Variants in DDC observed in about 807,000 individuals in gnomAD.
DDC encodes the protein dopa decarboxylase.
A neutral mutation model predicts 60.0 loss-of-function variants in DDC; 43 were observed. The ratio of observed to expected loss-of-function variants is 0.72; its 90% CI spans 0.56 to 0.92. DDC has a LOEUF of 0.92. DDC is among the 40% of genes least tolerant of loss of function. The probability of loss-of-function intolerance (pLI) is 0.00; values close to 1 mark genes in which losing one functional copy is unlikely to be tolerated. For missense variants in DDC, 573 were observed against 620.2 expected (o/e 0.92, Z 0.81); for synonymous variants, 232 against 234.6 (o/e 0.99, Z 0.10).
chr7:50,469,417 C>T (rs993386968), intron 12 of DDC, among the ~76,000 whole-genome samples: 9 of 152,226 alleles, frequency 5.9e-5, no homozygotes, highest in Admixed American at 1.3e-4. Context: ...TGTCTGAGAA[C>T]CACTGGACTA....
rs2042615438 is a variant in DDC at position 50,475,229 on chromosome 7, A to AGGATGC, written c.1041+1394_1041+1395insGCATCC. On this transcript the variant is annotated intron_variant, in intron 11 of 14. Coordinates refer to ENST00000444124, the MANE Select transcript of DDC (RefSeq NM_001082971.2). ...CACAGGCCACAGAGGCGCGAGGATG[A>AGGATGC]AAGGTCAGGGTGAGCTGGTCCTCAG... 2.0e-5 allele frequency among the ~76,000 whole-genome samples: 3 copies of AGGATGC among 152,180 alleles called. No homozygotes were observed. The South Asian group carries it at 6.2e-4, about 32-fold the overall frequency.
intron 11 of DDC, among the ~76,000 whole-genome samples, chr7:50,473,289 C>A (rs962962630): frequency 2.0e-5 from 3 of 152,082 alleles, no homozygotes; most frequent in African/African-American, 7.2e-5. Context: ...ACACCAGGGC[C>A]CTGAGGCTGC....
chr7:50,523,941 C>T (rs759500947), intron 6 of DDC, among the ~76,000 whole-genome samples: 2 of 152,152 alleles, frequency 1.3e-5, no homozygotes, highest in South Asian at 4.1e-4. Flanking sequence ...TAGATAAATG[C>T]ATAAATGAAT....
chr7:50,492,590 A>C, intron 9 of DDC: 3 of 778,790 alleles, frequency 3.9e-6, no homozygotes, highest in Non-Finnish European at 5.0e-6. Flanking sequence ...GAGGATGGGA[A>C]CTAACCCCAT....
At chr7:50,486,608 C>T (rs1204852387) in intron 9 of DDC, among the ~76,000 whole-genome samples, 1 of 152,166 alleles carries the variant, frequency 6.6e-6, no homozygotes, top group African/African-American at 2.4e-5. Flanking sequence ...GTCCCCCTTC[C>T]TCCTCATTCA....
At chr7:50,462,479 C>A (rs11575549) in intron 14 of DDC, among the ~76,000 whole-genome samples, 2 of 152,070 alleles carry the variant, frequency 1.3e-5, no homozygotes, top group Non-Finnish European at 2.9e-5. Flanking sequence ...GCAAGAAGCC[C>A]GGTAGTCGAA....
At chr7:50,492,611 T>G in intron 9 of DDC, 1 of 966,592 alleles carries the variant, frequency 1.0e-6, no homozygotes, top group Non-Finnish European at 1.3e-6. Context: ...CACCCTTCTC[T>G]TGTGGCAGAC....
At chr7:50,538,012 G>T in intron 3 of DDC, 33 bp from the exon 4 acceptor site, 1 of 1,614,054 alleles carries the variant, frequency 6.2e-7, no homozygotes, top group Non-Finnish European at 8.5e-7. Context: ...ATTAACCGAG[G>T]GCCAGGCATT....
chr7:50,526,997 A>C (rs1367925191), intron 6 of DDC, among the ~76,000 whole-genome samples: 2 of 129,110 alleles, frequency 1.5e-5, no homozygotes, highest in African/African-American at 5.1e-5. Flanking sequence ...GTGGAAATAG[A>C]CATATCTACA....
chr7:50,463,409 G>A lies in DDC; in HGVS notation c.1265C>T (p.Ala422Val), dbSNP rs984449557. The A allele has an allele frequency of 1.9e-6, 3 of 1,614,148 alleles. No individual in the cohort carries two copies. Among genetic ancestry groups the A allele is most frequent in the East Asian group, 2.2e-5 (1 of 44,878 alleles). ...RLKGSNKVNE[A>V]LLQRINSAKK... ...GGCACTGTTTATTCTTTGCAGAAGA[G>A]CTTCATTCACTTTGTTGGAACCCTG... Residue 422 changes from alanine (A) to valine (V), a missense_variant, in exon 14 of 15, where the codon GCT becomes GTT. Coordinates refer to ENST00000444124, the MANE Select transcript of DDC (RefSeq NM_001082971.2).
chr7:50,459,091 C>A (rs1018676253), intron 14 of DDC, among the ~76,000 whole-genome samples: 1 of 152,232 alleles, frequency 6.6e-6, no homozygotes, highest in African/African-American at 2.4e-5. Context: ...CGAGTGCCTG[C>A]GATTGCAGGC....
intron 9 of DDC, 135 bp from the exon 10 acceptor site, chr7:50,479,998 C>T: frequency 1.4e-6 from 1 of 713,958 alleles, no homozygotes; most frequent in Non-Finnish European, 2.5e-6. Context: ...CTGCACGGCC[C>T]TGTCTCTGCT....
chr7:50,492,338 C>T (rs558204792), intron 9 of DDC, among the ~76,000 whole-genome samples: 1 of 152,218 alleles, frequency 6.6e-6, no homozygotes, highest in Non-Finnish European at 1.5e-5. Flanking sequence ...AACATTCATG[C>T]CATTTTTATA....
Position 50,537,904 on chromosome 7 carries a change from C to G in DDC, c.391G>C (p.Ala131Pro). ...WLGKMLELPK[A>P]FLNEKAGEGG... Reference sequence around the variant, plus strand: ...TCTCCAGCTTTCTCATTCAAAAATGCCTTTGGTAGTTCCAGCATCTTCCCG... The same window carrying G: ...TCTCCAGCTTTCTCATTCAAAAATGGCTTTGGTAGTTCCAGCATCTTCCCG... The change falls in exon 4 of 15, where the codon GCA becomes CCA. Residue 131 changes from alanine to proline, a missense_variant. Ala to Pro is a conservative substitution (Grantham distance 27). Transcript: ENST00000444124. The G allele has an allele frequency of 6.2e-7, 1 of 1,614,126 alleles. No individual in the cohort carries two copies. Among genetic ancestry groups the G allele is most frequent in the Non-Finnish European group, 8.5e-7 (1 of 1,180,044 alleles).
Position 50,522,835 on chromosome 7 carries a change from G to A in DDC, c.714+5302C>T, listed in dbSNP as rs191083725. On this transcript the variant is annotated intron_variant, in intron 6 of 14. Transcript: ENST00000444124. ...TGGCTATACAGGAAGCATGGCTGGG[G>A]GGGCCTCCGGAAACTTACAATCATG... Among the ~76,000 whole-genome samples the A allele has an allele frequency of 6.0e-3, 915 of 152,276 alleles. 5 individuals carry two copies. Among genetic ancestry groups the A allele is most frequent in the Non-Finnish European group, 0.01 (710 of 68,012 alleles).
At position 50,540,231 on chromosome 7, in the gene DDC, T is replaced by C. The variant is rs1223479644; in HGVS notation, c.202-203A>G. 2.8e-5 allele frequency: 17 copies of C among 596,694 alleles called. No individual in the cohort carries two copies. In the Admixed American group the frequency reaches 3.6e-4, roughly 13 times the overall value. 37.0% of individuals were successfully genotyped at this position (596,694 alleles called of 1,614,324 possible). A position where few individuals can be genotyped will look rare whatever the true frequency, so the allele number is the denominator to read the frequency against. ...TTACACATCACCTTACTGTCCCCAC[T>C]CCCTTTAAACCAGCTCCCTTTTTGA... On this transcript the variant is annotated intron_variant, in intron 2 of 14. Coordinates refer to ENST00000444124, the MANE Select transcript of DDC (RefSeq NM_001082971.2).
intron 3 of DDC, 27 bp downstream of exon 3, chr7:50,539,888 C>CT: frequency 1.3e-6 from 2 of 1,581,814 alleles, no homozygotes; most frequent in Non-Finnish European, 1.7e-6. Flanking sequence ...GCCAGGACCC[C>CT]TTCCCGAGGT....
At chr7:50,497,272 A>C (rs1455506001) in intron 8 of DDC, among the ~76,000 whole-genome samples, 2 of 152,208 alleles carry the variant, frequency 1.3e-5, no homozygotes, top group Non-Finnish European at 2.9e-5. Context: ...ATTGTACAGC[A>C]TGAAATCCTG....
intron 4 of DDC, 87 bp downstream of exon 4, chr7:50,537,772 AG>A: frequency 6.6e-7 from 1 of 1,507,296 alleles, no homozygotes; most frequent in Non-Finnish European, 9.2e-7. Context: ...ACTAACAAGA[AG>A]CATGAGTGCC....
Sources: allele counts gnomAD v4.1 joint callset (sites outside exome capture counted in the v4.1 genomes callset), GRCh38; gene constraint gnomAD v4.1.1; transcripts MANE v1.5; gene names NCBI Gene and HGNC (gene_info 2026-07-23, HGNC 2026-07-21).